Variants in HMCN2 observed in about 807,000 individuals in gnomAD.
The protein encoded by HMCN2 is hemicentin-2.
A neutral mutation model predicts 377.5 loss-of-function variants in HMCN2; 325 were observed. The ratio of observed to expected loss-of-function variants is 0.86; its 90% CI spans 0.79 to 0.94. HMCN2 has a LOEUF of 0.94. HMCN2 is among the 40% of genes least tolerant of loss of function. The probability of loss-of-function intolerance (pLI) is 0.00; values close to 1 mark genes in which losing one functional copy is unlikely to be tolerated. For synonymous variants in HMCN2, 2,007 were observed against 2,046.8 expected (o/e 0.98, Z 0.53); for missense variants, 4,543 against 4,725.3 (o/e 0.96, Z 1.13).
At chr9:130,367,708 G>C (rs1240395903) in intron 43 of HMCN2, among the ~76,000 whole-genome samples, 1 of 151,968 alleles carries the variant, frequency 6.6e-6, no homozygotes, top group African/African-American at 2.4e-5. Context: ...TTGGGAGGCC[G>C]AGGCAGTGGG....
chr9:130,431,573 G>A (rs41297213), intron 96 of HMCN2, 87 bp downstream of exon 96: 65,069 of 1,483,216 alleles, frequency 0.044, 2,018 homozygotes, highest in African/African-American at 0.16. Context: ...TACCTACTCC[G>A]TTCACTCCAG....
chr9:130,363,623 A>G (rs951628925), intron 40 of HMCN2, among the ~76,000 whole-genome samples: 2 of 152,024 alleles, frequency 1.3e-5, no homozygotes, highest in African/African-American at 4.8e-5. Context: ...GGAGTTCGAG[A>G]CCAGCCTGGC....
chr9:130,355,669 A>G (rs1339086109), intron 32 of HMCN2, 77 bp from the exon 33 acceptor site: 1 of 817,264 alleles, frequency 1.2e-6, no homozygotes. Flanking sequence ...CTCGCTTGGA[A>G]GGCTCTGGGG....
At chr9:130,345,626 A>G (rs1375124167) in intron 25 of HMCN2, among the ~76,000 whole-genome samples, 9 of 148,306 alleles carry the variant, frequency 6.1e-5, no homozygotes, top group African/African-American at 2.2e-4. Flanking sequence ...TGGTGTGTGT[A>G]TCGTGTTGTG....
intron 36 of HMCN2, 40 bp downstream of exon 36, chr9:130,358,526 T>C (rs1034208188): frequency 1.5e-6 from 2 of 1,304,156 alleles, no homozygotes; most frequent in Non-Finnish European, 2.0e-6. Context: ...GGCCAGCATG[T>C]TGGGTGATCC....
intron 59 of HMCN2, 37 bp downstream of exon 59, chr9:130,384,835 A>C: frequency 8.2e-7 from 1 of 1,224,182 alleles, no homozygotes; most frequent in Non-Finnish European, 1.1e-6. Flanking sequence ...TACTGTCCCC[A>C]CTCCTTCAGT....
intron 96 of HMCN2, 86 bp downstream of exon 96, chr9:130,431,572 C>T (rs747775514): frequency 1.5e-5 from 22 of 1,487,828 alleles, no homozygotes; most frequent in African/African-American, 2.8e-5. Flanking sequence ...TTACCTACTC[C>T]GTTCACTCCA....
intron 66 of HMCN2, among the ~76,000 whole-genome samples, chr9:130,392,771 C>T (rs1361131753): frequency 1.1e-4 from 17 of 152,060 alleles, no homozygotes; most frequent in Non-Finnish European, 1.6e-4. Flanking sequence ...CCAAGGCGGG[C>T]AGATTACAAG....
chr9:130,352,335 G>A (rs1048488181), intron 30 of HMCN2, among the ~76,000 whole-genome samples: 1 of 152,334 alleles, frequency 6.6e-6, no homozygotes, highest in East Asian at 1.9e-4. Flanking sequence ...CGTGGACTCC[G>A]CAGAGGGCAC....
At chr9:130,345,669 G>A (rs905585232) in intron 25 of HMCN2, among the ~76,000 whole-genome samples, 31 of 151,864 alleles carry the variant, frequency 2.0e-4, no homozygotes, top group African/African-American at 6.3e-4. Context: ...AGTGGGGAGT[G>A]GGGGTAGCAG....
chr9:130,313,908 T>C (rs1837407096), intron 15 of HMCN2, among the ~76,000 whole-genome samples: 1 of 151,654 alleles, frequency 6.6e-6, no homozygotes, highest in Non-Finnish European at 1.5e-5. Context: ...GCCTCCCAAG[T>C]AGCTGGGATT....
chr9:130,395,336 AT>A lies in HMCN2; in HGVS notation c.10902del (p.Ile3634MetfsTer23). 1 of 1,288,402 alleles carries A rather than the reference AT, an allele frequency of 7.8e-7. No individual in the cohort carries two copies. Among genetic ancestry groups the A allele is most frequent in the Non-Finnish European group, 1.0e-6 (1 of 988,214 alleles). The allele number at this position is 1,288,402 out of a possible 1,614,324, so 79.8% of individuals were successfully genotyped here. On this transcript the variant is annotated frameshift_variant, in exon 71 of 98. Coordinates refer to ENST00000683500, the MANE Select transcript of HMCN2 (RefSeq NM_001291815.2). LOFTEE classifies it high-confidence loss of function. ...CAAGATCACGTGGCACCGAGACGGCATTGTGCTGCAGGTGGGCGCCAGGCAG... is the reference window on the plus strand; with the variant it reads ...CAAGATCACGTGGCACCGAGACGGCATGTGCTGCAGGTGGGCGCCAGGCAG... Reference protein sequence around the residue: ...APKITWHRDGIVLQEDAHTQF... With the variant: ...APKITWHRDGXVLQEDAHTQF...
chr9:130,403,780 T>C lies in HMCN2; in HGVS notation c.12053T>C (p.Ile4018Thr), dbSNP rs1324587199. The change falls in exon 80 of 98, where the codon ATT becomes ACT. Residue 4018 changes from isoleucine to threonine, a missense_variant. Physicochemically the swap from Ile to Thr is moderately conservative, Grantham distance 89. Coordinates refer to ENST00000683500, the MANE Select transcript of HMCN2 (RefSeq NM_001291815.2). Reference sequence around the variant, plus strand: ...GTCCTACCAGGCGGACAGCTGCGGATTGCCCATGCCAGCCCAGAGGATGCT... The same window carrying C: ...GTCCTACCAGGCGGACAGCTGCGGACTGCCCATGCCAGCCCAGAGGATGCT... ...TQVLPGGQLR[I>T]AHASPEDAGN... The C allele has an allele frequency of 1.6e-6, 2 of 1,289,842 alleles. No homozygotes were observed. Among genetic ancestry groups the C allele is most frequent in the East Asian group, 5.5e-5 (1 of 18,022 alleles). The allele number at this position is 1,289,842 out of a possible 1,614,324, so 79.9% of individuals were successfully genotyped here.
intron 28 of HMCN2, 104 bp downstream of exon 28, chr9:130,349,235 A>T (rs1003795546): frequency 2.8e-5 from 32 of 1,163,466 alleles, no homozygotes; most frequent in Non-Finnish European, 3.5e-5. Flanking sequence ...TGCGGAGAGC[A>T]GGGGGCACAG....
At chr9:130,287,513 T>C (rs1470402016) in intron 4 of HMCN2, among the ~76,000 whole-genome samples, 3 of 136,184 alleles carry the variant, frequency 2.2e-5, no homozygotes, top group Non-Finnish European at 4.5e-5. Context: ...ATCGTGCCAT[T>C]GCACTCCAGC....
chr9:130,376,543 C>T lies in HMCN2; in HGVS notation c.7946C>T (p.Pro2649Leu). 1.0e-6 allele frequency: 1 copy of T among 985,946 alleles called. No homozygotes were observed. Among genetic ancestry groups the T allele is most frequent in the Non-Finnish European group, 1.2e-6 (1 of 830,030 alleles). 61.1% of individuals were successfully genotyped at this position (985,946 alleles called of 1,614,324 possible). ...CCCCCTTCCATCTCCAAAGACGACC[C>T]CTTGGCGGAGGTCGGCGTGAAGGAG... ...LIPPSISKDD[P>L]LAEVGVKEVK... The change falls in exon 52 of 98, where the codon CCC becomes CTC. Residue 2649 changes from proline (P) to leucine (L), a missense_variant. Pro to Leu is a moderately conservative substitution (Grantham distance 98, BLOSUM62 -3). This residue lies in a region of HMCN2 where 736 missense variants were observed against 773.2 expected (regional missense o/e 0.95). Coordinates refer to ENST00000683500, the MANE Select transcript of HMCN2 (RefSeq NM_001291815.2).
rs915585820 is a variant in HMCN2, at chr9:130,344,621, G to A, written c.3829+2185G>A. On this transcript the variant is annotated intron_variant, in intron 25 of 97. Transcript: ENST00000683500. ...GTATGTGTATGGTGTTGTGTGTAGTGTGTGATGTGTGTATGGTGTTTGGTG... is the reference window on the plus strand; with the variant it reads ...GTATGTGTATGGTGTTGTGTGTAGTATGTGATGTGTGTATGGTGTTTGGTG... Among the ~76,000 whole-genome samples, 10 of 151,486 alleles carry A rather than the reference G, an allele frequency of 6.6e-5. No homozygotes were observed. The South Asian group carries it at 1.0e-3, about 16-fold the overall frequency.
At chr9:130,330,608 C>T (rs1029047946) in intron 22 of HMCN2, among the ~76,000 whole-genome samples, 7 of 152,068 alleles carry the variant, frequency 4.6e-5, no homozygotes, top group Non-Finnish European at 1.0e-4. Flanking sequence ...TTCGACCCCC[C>T]CAAGTCAGCA....
chr9:130,407,809 G>T, intron 83 of HMCN2, 104 bp downstream of exon 83: 1 of 860,736 alleles, frequency 1.2e-6, no homozygotes, highest in South Asian at 2.3e-5. Context: ...CTGAACTAGT[G>T]GTTCCCCACC....
Sources: allele counts gnomAD v4.1 joint callset (sites outside exome capture counted in the v4.1 genomes callset), GRCh38; gene constraint gnomAD v4.1.1; regional missense constraint gnomAD v4.1.1; transcripts MANE v1.5; gene names NCBI Gene and HGNC (gene_info 2026-07-23, HGNC 2026-07-21).